CSMD1: variants seen among roughly 807,000 people sequenced by gnomAD.
CSMD1 encodes CUB and sushi domain-containing protein 1.
In CSMD1, 213 loss-of-function variants were observed where a neutral mutation model predicts 417.5. The observed-to-expected ratio is 0.51, with a 90% CI of 0.46 to 0.57. CSMD1 has a LOEUF of 0.57. Among genes scored for constraint, CSMD1 ranks in the 20% least tolerant of loss-of-function variants. The pLI is 0.00. For missense variants in CSMD1, 6,923 were observed against 4,529.7 expected, an observed-to-expected ratio of 1.53 and a Z score of -15.17; for synonymous variants, 2,862 against 1,736.8, an observed-to-expected ratio of 1.65 and a Z score of -16.11.
At chr8:4,034,220 A>G (rs1204549069) in intron 3 of CSMD1, among the ~76,000 whole-genome samples, 1 of 150,492 alleles carries the variant, frequency 6.6e-6, no homozygotes, top group Non-Finnish European at 1.5e-5. Flanking sequence ...ATTTATCATG[A>G]TATTACTTAA....
At chr8:3,370,193 G>A (rs995634637) in intron 18 of CSMD1, among the ~76,000 whole-genome samples, 2 of 152,152 alleles carry the variant, frequency 1.3e-5, no homozygotes, top group Non-Finnish European at 2.9e-5. Context: ...GACATCAAGA[G>A]GAGAATATTG....
chr8:4,646,633 A>C (rs1051811833), intron 1 of CSMD1, among the ~76,000 whole-genome samples: 1 of 152,186 alleles, frequency 6.6e-6, no homozygotes, highest in Non-Finnish European at 1.5e-5. Flanking sequence ...TTTCCTCAAC[A>C]ATGAAGAAAG....
intron 1 of CSMD1, among the ~76,000 whole-genome samples, chr8:4,801,106 G>A (rs547771890): frequency 1.8e-3 from 267 of 152,196 alleles, no homozygotes; most frequent in Non-Finnish European, 2.8e-3. Flanking sequence ...CCAAAATAAA[G>A]AAAAGAAAAA....
chr8:4,862,397 T>A (rs1384133236), intron 1 of CSMD1, among the ~76,000 whole-genome samples: 1 of 152,096 alleles, frequency 6.6e-6, no homozygotes, highest in South Asian at 2.1e-4. Context: ...TTTCAAAGAA[T>A]CACTGTAGCT....
rs190165993 is a variant in CSMD1 at position 3,558,438 on chromosome 8, T to C, written c.1344+16507A>G. ...TGCCTCAATGGTACCCCGTGTCCAC[T>C]CCTGCAATGATGAATAGTGTCTCAA... On this transcript the variant is annotated intron_variant, in intron 10 of 69. Coordinates refer to ENST00000635120, the MANE Select transcript of CSMD1 (RefSeq NM_033225.6). Among the ~76,000 whole-genome samples the C allele has an allele frequency of 5.1e-3, 749 of 148,306 alleles. 3 individuals are homozygous for C. The highest frequency in any genetic ancestry group is 8.5e-3 in the Non-Finnish European group (571 of 66,886).
In CSMD1 at chr8:4,545,952, T is replaced by C. The variant is rs182266927; in HGVS notation, c.302+91390A>G. On this transcript the variant is annotated intron_variant, in intron 2 of 69. Coordinates refer to ENST00000635120, the MANE Select transcript of CSMD1 (RefSeq NM_033225.6). ...TGCCTATTCTTTCTCAGAAAGAAACTTTCTCCCATGTCGCCTGAATCCCCT... is the reference window on the plus strand; with the variant it reads ...TGCCTATTCTTTCTCAGAAAGAAACCTTCTCCCATGTCGCCTGAATCCCCT... Among the ~76,000 whole-genome samples, 42 of 152,284 alleles carry C rather than the reference T, an allele frequency of 2.8e-4. No individual in the cohort carries two copies. In the East Asian group the frequency reaches 7.3e-3, roughly 27 times the overall value.
At chr8:4,621,809 T>C (rs1221682773) in intron 2 of CSMD1, among the ~76,000 whole-genome samples, 3 of 152,018 alleles carry the variant, frequency 2.0e-5, no homozygotes, top group Non-Finnish European at 4.4e-5. Flanking sequence ...CAATAATATA[T>C]TTGAAAAATC....
chr8:3,047,272 C>A (rs1435435251), intron 50 of CSMD1, among the ~76,000 whole-genome samples: 1 of 151,464 alleles, frequency 6.6e-6, no homozygotes, highest in African/African-American at 2.4e-5. Flanking sequence ...TTTTGCCAGG[C>A]CAAGTTCTCG....
At chr8:4,319,956 G>A (rs904292152) in intron 3 of CSMD1, among the ~76,000 whole-genome samples, 2 of 152,060 alleles carry the variant, frequency 1.3e-5, no homozygotes, top group African/African-American at 4.8e-5. Flanking sequence ...GCCAATGTTT[G>A]GATTTTTACA....
chr8:4,804,045 C>T (rs1357473518), intron 1 of CSMD1, among the ~76,000 whole-genome samples: 2 of 152,152 alleles, frequency 1.3e-5, no homozygotes, highest in Non-Finnish European at 2.9e-5. Flanking sequence ...GCCAACAAAA[C>T]AGTATTAGGG....
intron 3 of CSMD1, among the ~76,000 whole-genome samples, chr8:4,174,750 A>AGGGATGTGAGG: frequency 2.0e-3 from 1 of 504 alleles, no homozygotes; most frequent in Non-Finnish European, 4.9e-3. Context: ...TGTGAGGAAG[A>AGGGATGTGAGG]GGGATGTGAG....
At chr8:3,457,618 C>G (rs1398360144) in intron 12 of CSMD1, among the ~76,000 whole-genome samples, 1 of 152,164 alleles carries the variant, frequency 6.6e-6, no homozygotes, top group Admixed American at 6.5e-5. Flanking sequence ...CCATCTATAA[C>G]TTTTAAATCA....
intron 1 of CSMD1, among the ~76,000 whole-genome samples, chr8:4,802,581 T>A (rs907639693): frequency 6.6e-6 from 1 of 152,286 alleles, no homozygotes; most frequent in South Asian, 2.1e-4. Context: ...GAGATCACAA[T>A]GTTTTTTTCT....
At chr8:4,471,058 T>C (rs897497782) in intron 2 of CSMD1, among the ~76,000 whole-genome samples, 1 of 152,198 alleles carries the variant, frequency 6.6e-6, no homozygotes, top group Middle Eastern at 3.2e-3. Context: ...AATTTCCTCA[T>C]TAATAAATCA....
At chr8:3,565,306 T>A (rs1799657744) in intron 10 of CSMD1, among the ~76,000 whole-genome samples, 1 of 150,860 alleles carries the variant, frequency 6.6e-6, no homozygotes, top group Non-Finnish European at 1.5e-5. Context: ...CTTTCCCCAG[T>A]GGCATGGGAG....
At chr8:3,775,223 T>C (rs866915690) in intron 5 of CSMD1, among the ~76,000 whole-genome samples, 1 of 152,210 alleles carries the variant, frequency 6.6e-6, no homozygotes, top group Non-Finnish European at 1.5e-5. Context: ...GATAAAACTT[T>C]GCAAAACAAG....
At chr8:4,806,680 C>T (rs1214462008) in intron 1 of CSMD1, among the ~76,000 whole-genome samples, 4 of 152,166 alleles carry the variant, frequency 2.6e-5, no homozygotes, top group African/African-American at 4.8e-5. Context: ...GAACCATGGT[C>T]GCAGTGCCTG....
intron 7 of CSMD1, among the ~76,000 whole-genome samples, chr8:3,674,564 G>C (rs906245797): frequency 6.6e-6 from 1 of 151,030 alleles, no homozygotes; most frequent in South Asian, 2.1e-4. Context: ...TATGTATCAT[G>C]TACTACATTA....
At chr8:4,923,716 A>G (rs1159638523) in intron 1 of CSMD1, among the ~76,000 whole-genome samples, 3 of 152,276 alleles carry the variant, frequency 2.0e-5, no homozygotes, top group Admixed American at 6.5e-5. Context: ...CTTGGGAGTT[A>G]GCATGATTAC....
Sources: gnomAD v4.1 joint callset for allele counts (sites outside exome capture counted in the v4.1 genomes callset) on GRCh38, gnomAD v4.1.1 for gene constraint, MANE v1.5 for transcripts, NCBI Gene and HGNC (gene_info 2026-07-23, HGNC 2026-07-21) for gene names.